The following A2M variants were observed in gnomAD, a reference collection of about 807,000 sequenced individuals.
A2M encodes alpha-2-macroglobulin.
A neutral mutation model predicts 183.9 loss-of-function variants in A2M; 128 were observed. The ratio of observed to expected loss-of-function variants is 0.70; its 90% CI spans 0.60 to 0.81. The LOEUF is 0.81. Ranked by LOEUF, A2M falls within the 30% of genes least tolerant of loss-of-function variation. The pLI is 0.00. For missense variants in A2M, 1,495 were observed against 1,787.6 expected (o/e 0.84, Z 2.95); for synonymous variants, 592 against 670.8 (o/e 0.88, Z 1.81).
In A2M at chr12:9,113,512, G is replaced by A; in HGVS notation, c.118C>T (p.His40Tyr). The part of the protein sequence containing the change: ...QYMVLVPSLL[H>Y]TETTEKGCVL... ...CAGCCCTTCTCAGTGGTCTCAGTGT[G>A]GAGCAGGGAGGGGACCAGAACCATA... The change falls in exon 2 of 36, where the codon CAC (histidine) becomes TAC (tyrosine). Residue 40 changes from histidine (H) to tyrosine (Y), a missense_variant. By Grantham distance (83) the His-to-Tyr change is moderately conservative. Coordinates refer to ENST00000318602, the MANE Select transcript of A2M (RefSeq NM_000014.6). 1.2e-6 allele frequency: 2 copies of A among 1,613,950 alleles called. No individual in the cohort carries two copies. The highest frequency in any genetic ancestry group is 1.7e-6 in the Non-Finnish European group (2 of 1,179,934).
chr12:9,089,807 A>C (rs752451543), intron 21 of A2M, 95 bp downstream of exon 21: 1 of 865,304 alleles, frequency 1.2e-6, no homozygotes, highest in Non-Finnish European at 1.6e-6. Context: ...ACAGAGAGAT[A>C]CATGAGAATA....
chr12:9,087,930 ATTTT>A (rs1283649152), intron 22 of A2M, among the ~76,000 whole-genome samples: 4 of 152,116 alleles, frequency 2.6e-5, no homozygotes, highest in Admixed American at 6.6e-5. Flanking sequence ...TAACTAACTA[ATTTT>A]TTAAAGCTAG....
Position 9,068,244 on chromosome 12 carries a change from C to CA in A2M, c.4367-21dup. 1.3e-6 allele frequency: 2 copies of CA among 1,591,466 alleles called. No homozygotes were observed. The highest frequency in any genetic ancestry group is 1.7e-6 in the Non-Finnish European group (2 of 1,174,642). Reference sequence around the variant, plus strand: ...ACTCATCTGAAAAAAAAAAAACCAACAAAAAACCAGAAATCATTACATGAA... The same window carrying CA: ...ACTCATCTGAAAAAAAAAAAACCAACAAAAAAACCAGAAATCATTACATGAA... On this transcript the variant is annotated intron_variant, in intron 34 of 35. Coordinates refer to ENST00000318602, the MANE Select transcript of A2M (RefSeq NM_000014.6).
At position 9,070,511 on chromosome 12, in the gene A2M, G is replaced by A. The variant is rs565522236; in HGVS notation, c.4171C>T (p.Pro1391Ser). 6 of 1,613,424 alleles carry A rather than the reference G, an allele frequency of 3.7e-6. No homozygotes were observed. The highest frequency in any genetic ancestry group is 2.7e-5 in the African/African-American group (2 of 75,034). The change falls in exon 32 of 36, where the codon CCC becomes TCC. Residue 1391 changes from proline (P) to serine (S), a missense_variant. Physicochemically the swap from Pro to Ser is moderately conservative, Grantham distance 74 (BLOSUM62 -1). Transcript: ENST00000318602. ...VDVKMVSGFIPLKPTVKMLER... is the reference protein window; with the variant it reads ...VDVKMVSGFISLKPTVKMLER... ...ACCATTTTCACTGTTGGCTTCAGGG[G>A]AATGAAGCCAGAGACCATCTTCACA...
chr12:9,099,301 G>A (rs890949381), intron 14 of A2M, 80 bp downstream of exon 14: 10 of 1,387,302 alleles, frequency 7.2e-6, no homozygotes, highest in Non-Finnish European at 9.0e-6. Flanking sequence ...TGGCCCTAAT[G>A]TTCACATGTG....
At chr12:9,107,400 A>T in intron 8 of A2M, 124 bp downstream of exon 8, 1 of 1,202,432 alleles carries the variant, frequency 8.3e-7, no homozygotes, top group Non-Finnish European at 1.1e-6. Flanking sequence ...TTGAAAAATT[A>T]CAATAGCCAA....
rs769103148 is a variant in A2M, at chr12:9,090,345, T to G, written c.2596+11A>C. 6.2e-7 allele frequency: 1 copy of G among 1,613,930 alleles called. No homozygotes were observed. Among genetic ancestry groups the G allele is most frequent in the South Asian group, 1.1e-5 (1 of 91,084 alleles). ...TGAGTAGAGAATTATCTCTAGCAGT[T>G]TTTTGCTCACCTAATGACTTTGGGG... is the stretch of plus-strand genomic sequence containing the variant. On this transcript the variant is annotated intron_variant, in intron 20 of 35. Transcript: ENST00000318602.
chr12:9,115,001 G>C (rs1481254606), intron 1 of A2M, among the ~76,000 whole-genome samples: 2 of 152,126 alleles, frequency 1.3e-5, no homozygotes, highest in Non-Finnish European at 2.9e-5. Flanking sequence ...TCCATGGATT[G>C]CAAGAATTAA....
At chr12:9,077,671 C>G in intron 26 of A2M, 30 bp downstream of exon 26, 2 of 1,609,364 alleles carry the variant, frequency 1.2e-6, no homozygotes, top group South Asian at 2.2e-5. Flanking sequence ...TCATAATGGA[C>G]AAATCAAAAC....
At chr12:9,106,177 C>T in intron 10 of A2M, 59 bp downstream of exon 10, 1 of 993,498 alleles carries the variant, frequency 1.0e-6, no homozygotes, top group Non-Finnish European at 1.6e-6. Flanking sequence ...CAAACCATAA[C>T]TATTGTGCTA....
chr12:9,112,663 G>A (rs1938828692), intron 2 of A2M, 127 bp from the exon 3 acceptor site: 2 of 1,024,020 alleles, frequency 2.0e-6, no homozygotes, highest in Non-Finnish European at 2.9e-6. Context: ...TCTCAGCAGG[G>A]AAAGTTGGCA....
intron 27 of A2M, 60 bp from the exon 28 acceptor site, chr12:9,076,996 G>A: frequency 6.9e-7 from 1 of 1,458,264 alleles, no homozygotes; most frequent in Non-Finnish European, 9.1e-7. Context: ...AGCATTCCCA[G>A]GCAAATACAC....
At chr12:9,079,949 T>C in intron 23 of A2M, 134 bp from the exon 24 acceptor site, 1 of 1,032,430 alleles carries the variant, frequency 9.7e-7, no homozygotes, top group East Asian at 2.7e-5. Context: ...GATAGAAGTA[T>C]GATTGAAAGC....
chr12:9,110,379 T>C lies in A2M; in HGVS notation c.484-45A>G, dbSNP rs906664398. 3.3e-6 allele frequency: 4 copies of C among 1,227,260 alleles called. No individual in the cohort carries two copies. The African/African-American group carries it at 6.2e-5, about 19-fold the overall frequency. The allele number at this position is 1,227,260 out of a possible 1,614,324, so 76.0% of individuals were successfully genotyped here. ...AGAAGTTTATAATTATTTTCAAATA[T>C]TCTTAAATCTCATTTATAAGCAAAG... is the stretch of plus-strand genomic sequence containing the variant. On this transcript the variant is annotated intron_variant, in intron 4 of 35. Transcript: ENST00000318602.
At chr12:9,104,507 C>A in intron 10 of A2M, 107 bp from the exon 11 acceptor site, 1 of 1,215,514 alleles carries the variant, frequency 8.2e-7, no homozygotes, top group African/African-American at 1.6e-5. Flanking sequence ...AACATGGTTC[C>A]AGGCACTGAG....
intron 31 of A2M, among the ~76,000 whole-genome samples, chr12:9,071,569 T>C (rs780671814): frequency 3.9e-5 from 6 of 152,188 alleles, no homozygotes; most frequent in Non-Finnish European, 8.8e-5. Context: ...AATTGTTGTT[T>C]TTTTCTGATC....
At chr12:9,100,686 T>C (rs1242437916) in intron 13 of A2M, among the ~76,000 whole-genome samples, 3 of 152,236 alleles carry the variant, frequency 2.0e-5, no homozygotes, top group Non-Finnish European at 4.4e-5. Flanking sequence ...CCCTCAACTT[T>C]CTTTTAATTA....
chr12:9,097,591 A>G (rs1565594816), intron 15 of A2M, among the ~76,000 whole-genome samples: 1 of 150,234 alleles, frequency 6.7e-6, no homozygotes, highest in Non-Finnish European at 1.5e-5. Context: ...CTCAGAAATT[A>G]TGTGTAGCTT....
At chr12:9,110,815 T>G (rs1047650873) in intron 4 of A2M, among the ~76,000 whole-genome samples, 2 of 152,132 alleles carry the variant, frequency 1.3e-5, no homozygotes, top group African/African-American at 4.8e-5. Flanking sequence ...GAACTTTTCA[T>G]TAATCTATTT....
Sources: allele counts gnomAD v4.1 joint callset (sites outside exome capture counted in the v4.1 genomes callset), GRCh38; gene constraint gnomAD v4.1.1; transcripts MANE v1.5; gene names NCBI Gene and HGNC (gene_info 2026-07-23, HGNC 2026-07-21).